The following SERPINA12 variants were observed in gnomAD, a reference collection of about 807,000 sequenced individuals.
SERPINA12 encodes serpin family A member 12.
In SERPINA12, 21 loss-of-function variants were observed where a neutral mutation model predicts 25.9. The observed-to-expected ratio is 0.81, with a 90% CI of 0.58 to 1.17. The LOEUF (loss-of-function observed/expected upper bound fraction) is 1.17, where lower values mean the gene tolerates loss of function less well. Ranked by LOEUF, SERPINA12 falls within the 50% of genes most tolerant of loss-of-function variation. The pLI, the probability that SERPINA12 is intolerant of heterozygous loss-of-function variation, is 0.00. For synonymous variants in SERPINA12, 220 were observed against 196.0 expected, an observed-to-expected ratio of 1.12 and a Z score of -1.02; for missense variants, 562 against 508.3, an observed-to-expected ratio of 1.11 and a Z score of -1.02.
upstream of SERPINA12, among the ~76,000 whole-genome samples, chr14:94,513,899 C>T (rs1187764560): frequency 6.6e-6 from 1 of 152,184 alleles, no homozygotes. Flanking sequence ...AAATGCTTTC[C>T]CTCCTTGGAT....
exon 2 of SERPINA12, chr14:94,516,148 A>G (rs1901226507): frequency 6.6e-6 from 1 of 152,544 alleles, no homozygotes; most frequent in African/African-American, 2.4e-5. Context: ...CCACCAGGGC[A>G]GCAACACTGC....
intron 1 of SERPINA12, chr14:94,501,246 T>A: frequency 1.3e-6 from 1 of 762,432 alleles, no homozygotes; most frequent in Non-Finnish European, 1.6e-6. Context: ...AAGTTCCCAG[T>A]GCCTAGGAGT....
chr14:94,510,431 AAAAAGT>A (rs1901079321), upstream of SERPINA12, among the ~76,000 whole-genome samples: 2 of 152,208 alleles, frequency 1.3e-5, no homozygotes, highest in Non-Finnish European at 2.9e-5. Context: ...GGCCATAATT[AAAAAGT>A]AAAAAATAAA....
intron 2 of SERPINA12, among the ~76,000 whole-genome samples, chr14:94,515,147 G>A (rs1002901873): frequency 6.6e-5 from 10 of 152,234 alleles, no homozygotes; most frequent in Non-Finnish European, 1.2e-4. Context: ...GCCTGAAGGT[G>A]ACATGCCTGG....
At chr14:94,501,257 G>T in intron 1 of SERPINA12, 2 of 706,542 alleles carry the variant, frequency 2.8e-6, no homozygotes, top group Non-Finnish European at 3.5e-6. Context: ...GCCTAGGAGT[G>T]GAGAAGTTAA....
At chr14:94,490,657 C>A (rs1296728586) in intron 3 of SERPINA12, among the ~76,000 whole-genome samples, 3 of 152,092 alleles carry the variant, frequency 2.0e-5, no homozygotes, top group African/African-American at 4.8e-5. Context: ...CAGCTCATTT[C>A]TTTTCTTCCT....
At position 94,487,289 on chromosome 14, in the gene SERPINA12, G is replaced by A. The variant is rs201681629; in HGVS notation, c.*14C>T. 211 of 1,606,004 alleles carry A rather than the reference G, an allele frequency of 1.3e-4. No individual in the cohort carries two copies. The African/African-American group carries it at 2.3e-3, about 18-fold the overall frequency. On this transcript the variant is annotated 3_prime_UTR_variant, in exon 5 of 5. Transcript: ENST00000677451. ...AAGCCATGTTCGGGGTCTGTGGCAAGCAGGAATTCTCCTTTATTTTCCAAT... is the reference window on the plus strand; with the variant it reads ...AAGCCATGTTCGGGGTCTGTGGCAAACAGGAATTCTCCTTTATTTTCCAAT...
At chr14:94,517,716 G>C (rs1442306246) in exon 1 of SERPINA12, 1 of 152,238 alleles carries the variant, frequency 6.6e-6, no homozygotes, top group Admixed American at 6.5e-5. Flanking sequence ...AGTAGAGCCT[G>C]CTCGGTTTCA....
chr14:94,491,893 A>G (rs1246878024), intron 3 of SERPINA12, among the ~76,000 whole-genome samples: 6 of 152,170 alleles, frequency 3.9e-5, no homozygotes, highest in Admixed American at 3.9e-4. Context: ...GGATGGAAGC[A>G]TGGCAGTCGT....
intron 4 of SERPINA12, 78 bp downstream of exon 4, chr14:94,489,542 C>T: frequency 6.6e-7 from 1 of 1,516,934 alleles, no homozygotes; most frequent in Non-Finnish European, 8.9e-7. Flanking sequence ...CTGACAGCCA[C>T]TGTGACCCTG....
chr14:94,503,114 G>T, intron 1 of SERPINA12: 1 of 822,418 alleles, frequency 1.2e-6, no homozygotes, highest in Non-Finnish European at 1.5e-6. Flanking sequence ...TGTTTTAAAG[G>T]ACTGATATTG....
chr14:94,499,174 C>A (rs190505800), intron 1 of SERPINA12, among the ~76,000 whole-genome samples: 3 of 152,144 alleles, frequency 2.0e-5, no homozygotes, highest in African/African-American at 7.2e-5. Flanking sequence ...TTTGTTTAAG[C>A]TCATATGTTC....
chr14:94,517,078 T>A (rs1901255119), intron 1 of SERPINA12, among the ~76,000 whole-genome samples: 1 of 152,226 alleles, frequency 6.6e-6, no homozygotes, highest in Admixed American at 6.5e-5. Context: ...GCACAGCACA[T>A]GGCTCTCTGC....
intron 2 of SERPINA12, 29 bp downstream of exon 2, chr14:94,497,735 T>G: frequency 6.4e-7 from 1 of 1,569,000 alleles, no homozygotes; most frequent in Non-Finnish European, 8.6e-7. Context: ...CATCCTATTC[T>G]TTCCACACCA....
upstream of SERPINA12, among the ~76,000 whole-genome samples, chr14:94,512,543 A>G (rs1412696992): frequency 6.6e-6 from 1 of 152,234 alleles, no homozygotes; most frequent in East Asian, 1.9e-4. Context: ...ACATGATGAC[A>G]GGGAGCTGAT....
At chr14:94,490,096 C>T (rs2139844975) in intron 3 of SERPINA12, among the ~76,000 whole-genome samples, 1 of 152,264 alleles carries the variant, frequency 6.6e-6, no homozygotes. Context: ...ATGCCTGAGC[C>T]CTGAGCCCAT....
chr14:94,491,121 G>T (rs1458485786), intron 3 of SERPINA12, among the ~76,000 whole-genome samples: 2 of 152,206 alleles, frequency 1.3e-5, no homozygotes, highest in African/African-American at 4.8e-5. Flanking sequence ...ACCAGGTGCT[G>T]TTCTAGGTGC....
At chr14:94,511,560 T>C, upstream of SERPINA12, 28 of 985,452 alleles carry the variant, frequency 2.8e-5, no homozygotes, top group Non-Finnish European at 3.4e-5. Context: ...TTTGTCGGGT[T>C]GGTTCGTGCA....
At chr14:94,511,388 C>T (rs1045352381), upstream of SERPINA12, 3 of 983,868 alleles carry the variant, frequency 3.0e-6, no homozygotes, top group African/African-American at 5.2e-5. Context: ...AATGGATGTG[C>T]AGCTTCATAA....
Sources: allele counts gnomAD v4.1 joint callset (sites outside exome capture counted in the v4.1 genomes callset), GRCh38; gene constraint gnomAD v4.1.1; transcripts MANE v1.5; gene names NCBI Gene and HGNC (gene_info 2026-07-23, HGNC 2026-07-21).